PCDHGB3: variants seen among roughly 807,000 people sequenced by gnomAD.
PCDHGB3 encodes the protein protocadherin gamma-B3.
A neutral mutation model predicts 59.2 loss-of-function variants in PCDHGB3; 40 were observed. The ratio of observed to expected loss-of-function variants is 0.68; its 90% CI spans 0.52 to 0.88. The LOEUF (loss-of-function observed/expected upper bound fraction) is 0.88. PCDHGB3 is among the 40% of genes least tolerant of loss of function. The pLI is 0.00. For missense variants in PCDHGB3, 1,309 were observed against 1,187.9 expected, an observed-to-expected ratio of 1.10 and a Z score of -1.50; for synonymous variants, 581 against 503.6, an observed-to-expected ratio of 1.15 and a Z score of -2.06.
In PCDHGB3 at chr5:141,490,537, T is replaced by C; in HGVS notation, c.2416-4270T>C. On this transcript the variant is annotated intron_variant, in intron 1 of 3. Transcript: ENST00000576222. This position sits in a 1 kb window ranked among gnomAD's most constrained non-coding sequence, Gnocchi z 5.4. ...GCTGGCCAGCGATGCTGGTTCACCT[T>C]CCCTACACAAACATCTCACCATCAG... is the stretch of plus-strand genomic sequence containing the variant. 1.9e-6 allele frequency: 3 copies of C among 1,614,180 alleles called. No homozygotes were observed. The highest frequency in any genetic ancestry group is 8.5e-7 in the Non-Finnish European group (1 of 1,180,028).
chr5:141,432,823 C>A lies in PCDHGB3; in HGVS notation c.2415+60014C>A. 1 of 1,614,184 alleles carries A rather than the reference C, an allele frequency of 6.2e-7. No homozygotes were observed. Among genetic ancestry groups the A allele is most frequent in the Non-Finnish European group, 8.5e-7 (1 of 1,180,004 alleles). On this transcript the variant is annotated intron_variant, in intron 1 of 3. Transcript: ENST00000576222. The surrounding 1 kb of genome is among the most constrained non-coding windows in gnomAD (Gnocchi z 6.0). ...CTCCAGCTAACTCTGAAACCTCAGA[C>A]CTCACTCTGTACCTGGTGGTAGCGG...
At chr5:141,426,492 T>A (rs1439487321) in intron 1 of PCDHGB3, 11 of 336,712 alleles carry the variant, frequency 3.3e-5, no homozygotes, top group South Asian at 2.6e-4. Flanking sequence ...TTAGAGTTAG[T>A]GCAGAGAAAC....
At chr5:141,470,306 T>C (rs2099227644) in intron 1 of PCDHGB3, among the ~76,000 whole-genome samples, 1 of 152,222 alleles carries the variant, frequency 6.6e-6, no homozygotes, top group South Asian at 2.1e-4. Flanking sequence ...TTATTCCATT[T>C]TTCCTCAAAT....
At chr5:141,377,829 C>T (rs970459356) in intron 1 of PCDHGB3, 2 of 152,110 alleles carry the variant, frequency 1.3e-5, no homozygotes, top group South Asian at 2.1e-4. Context: ...CAGTTACAAT[C>T]GCCATTATCT....
At chr5:141,484,908 G>T in intron 1 of PCDHGB3, 1 of 415,428 alleles carries the variant, frequency 2.4e-6, no homozygotes, top group East Asian at 4.2e-5. Context: ...ATGCTGCGAC[G>T]CATTAACCCT....
At chr5:141,481,813 G>A (rs185558948) in intron 1 of PCDHGB3, among the ~76,000 whole-genome samples, 15 of 151,942 alleles carry the variant, frequency 9.9e-5, no homozygotes, top group East Asian at 7.8e-4. Context: ...TTCACCAGGC[G>A]TGGTGGCTGA....
rs1257609378 is a variant in PCDHGB3 at position 141,385,552 on chromosome 5, T to TA, written c.2415+12743_2415+12744insA. Reference sequence around the variant, plus strand: ...ATTATGAATATGTGGACTATCACATTTTATAATTTCCACCTACTTTCCAAT... The same window carrying TA: ...ATTATGAATATGTGGACTATCACATTATTATAATTTCCACCTACTTTCCAAT... On this transcript the variant is annotated intron_variant, in intron 1 of 3. Transcript: ENST00000576222. 1.1e-5 allele frequency: 14 copies of TA among 1,315,750 alleles called. No individual in the cohort carries two copies. The African/African-American group carries it at 2.1e-4, about 20-fold the overall frequency. The allele number at this position is 1,315,750 out of a possible 1,614,324, so 81.5% of individuals were successfully genotyped here. A position where few individuals can be genotyped will look rare whatever the true frequency, so the allele number is the denominator to read the frequency against.
chr5:141,476,966 G>A lies in PCDHGB3; in HGVS notation c.2416-17841G>A. ...CAACGGTGAAATTATTTACTCCTTC[G>A]GCAGCCACAACCGCGCCGGCGTGCG... On this transcript the variant is annotated intron_variant, in intron 1 of 3. Transcript: ENST00000576222. This position sits in a 1 kb window ranked among gnomAD's most constrained non-coding sequence, Gnocchi z 7.6. 1 of 1,614,152 alleles carries A rather than the reference G, an allele frequency of 6.2e-7. No individual in the cohort carries two copies. The highest frequency in any genetic ancestry group is 8.5e-7 in the Non-Finnish European group (1 of 1,180,032).
At chr5:141,422,587 C>G in intron 1 of PCDHGB3, 2 of 1,614,032 alleles carry the variant, frequency 1.2e-6, no homozygotes, top group Non-Finnish European at 1.7e-6. Flanking sequence ...TCCCGTTTTT[C>G]CTCACTCCTC....
chr5:141,488,497 C>T (rs1054409265), intron 1 of PCDHGB3, among the ~76,000 whole-genome samples: 3 of 152,204 alleles, frequency 2.0e-5, no homozygotes, highest in South Asian at 2.1e-4. Flanking sequence ...CTGTAACACT[C>T]ATTCCACATT....
chr5:141,454,956 G>A (rs62379171), intron 1 of PCDHGB3, among the ~76,000 whole-genome samples: 5,077 of 149,940 alleles, frequency 0.034, 97 homozygotes, highest in Middle Eastern at 0.091. Context: ...TACAGGCGCC[G>A]GCCACCACGC....
At position 141,430,761 on chromosome 5, in the gene PCDHGB3, T is replaced by C. The variant is rs769012885; in HGVS notation, c.2415+57952T>C. The C allele has an allele frequency of 2.0e-6, 3 of 1,506,132 alleles. No individual in the cohort carries two copies. The African/African-American group carries it at 4.2e-5, about 21-fold the overall frequency. The allele number at this position is 1,506,132 out of a possible 1,614,324, so 93.3% of individuals were successfully genotyped here. ...AAATAATTCTGGAGGAAGATAAGAATGATTCCTGCGCGACTGCACCGGGAC... is the reference window on the plus strand; with the variant it reads ...AAATAATTCTGGAGGAAGATAAGAACGATTCCTGCGCGACTGCACCGGGAC... On this transcript the variant is annotated intron_variant, in intron 1 of 3. Coordinates refer to ENST00000576222, the MANE Select transcript of PCDHGB3 (RefSeq NM_018924.5).
chr5:141,393,367 G>T, intron 1 of PCDHGB3: 1 of 1,613,962 alleles, frequency 6.2e-7, no homozygotes, highest in South Asian at 1.1e-5. Context: ...GTGCAGACTG[G>T]AGACAATGGA....
intron 1 of PCDHGB3, chr5:141,403,538 C>T (rs781129314): frequency 1.5e-5 from 24 of 1,613,874 alleles, no homozygotes; most frequent in Non-Finnish European, 1.5e-5. Flanking sequence ...AGAGCTGGTG[C>T]TGGAGCGCGC....
rs752324204 is a variant in PCDHGB3 at position 141,370,898 on chromosome 5, GC to G, written c.505del (p.Gln169SerfsTer12). On this transcript the variant is annotated frameshift_variant, in exon 1 of 4. Transcript: ENST00000576222. LOFTEE classifies it high-confidence loss of function. ...DPDVGVNSLQ[Q>X]YYLSPDPHFS... ...CTGATGTAGGTGTCAATTCGCTGCA[GC>G]AGTACTACCTCAGCCCTGATCCGCA... 6.2e-6 allele frequency: 10 copies of G among 1,614,062 alleles called. No homozygotes were observed. Among genetic ancestry groups the G allele is most frequent in the Non-Finnish European group, 8.5e-6 (10 of 1,179,902 alleles).
intron 1 of PCDHGB3, chr5:141,422,453 G>GA: frequency 6.2e-7 from 1 of 1,611,704 alleles, no homozygotes. Context: ...ATAACAAGCA[G>GA]AGTGCTGGAC....
intron 1 of PCDHGB3, chr5:141,409,665 CCTACT>C (rs753951498): frequency 6.2e-7 from 1 of 1,613,576 alleles, no homozygotes; most frequent in Admixed American, 1.7e-5. Context: ...GGCCACATCT[CCTACT>C]CTATAGTGGC....
chr5:141,509,068 G>T (rs1267011061), intron 3 of PCDHGB3, among the ~76,000 whole-genome samples: 1 of 152,144 alleles, frequency 6.6e-6, no homozygotes, highest in Non-Finnish European at 1.5e-5. Context: ...TCTCAGCTCC[G>T]GGGATTTGCG....
At chr5:141,414,458 C>T (rs2095749873) in intron 1 of PCDHGB3, 9 of 1,613,698 alleles carry the variant, frequency 5.6e-6, no homozygotes, top group Non-Finnish European at 6.8e-6. Flanking sequence ...ACAGTGACAG[C>T]CACAGATGGG....
Sources: gnomAD v4.1 joint callset for allele counts (sites outside exome capture counted in the v4.1 genomes callset) on GRCh38, gnomAD v4.1.1 for gene constraint, Gnocchi (gnomAD v3.1) non-coding constraint, MANE v1.5 for transcripts, NCBI Gene and HGNC (gene_info 2026-07-23, HGNC 2026-07-21) for gene names.